Variants in NAALADL2 observed in about 807,000 individuals in gnomAD.
The protein encoded by NAALADL2 is N-acetylated alpha-linked acidic dipeptidase like 2.
A neutral mutation model predicts 87.2 loss-of-function variants in NAALADL2; 76 were observed. The ratio of observed to expected loss-of-function variants is 0.87; its 90% CI spans 0.72 to 1.05. NAALADL2 has a LOEUF of 1.05. NAALADL2 is among the 50% of genes least tolerant of loss of function. NAALADL2 has a pLI of 0.00. For missense variants in NAALADL2, 1,089 were observed against 945.8 expected (o/e 1.15, Z -1.99); for synonymous variants, 354 against 331.0 (o/e 1.07, Z -0.75).
intron 11 of NAALADL2, among the ~76,000 whole-genome samples, chr3:175,639,740 G>T (rs73881325): frequency 2.6e-5 from 4 of 152,098 alleles, no homozygotes; most frequent in African/African-American, 9.7e-5. Context: ...TATGTTTAAA[G>T]TCCTCTCAGT....
intron 1 of NAALADL2, among the ~76,000 whole-genome samples, chr3:175,078,152 G>A (rs1716994265): frequency 1.3e-5 from 2 of 151,922 alleles, no homozygotes; most frequent in Non-Finnish European, 2.9e-5. Flanking sequence ...AGCCTCCTGA[G>A]TAGGTGGAAT....
At chr3:175,090,700 T>C (rs980259290) in intron 1 of NAALADL2, among the ~76,000 whole-genome samples, 6 of 152,292 alleles carry the variant, frequency 3.9e-5, no homozygotes, top group Non-Finnish European at 8.8e-5. Context: ...AGTTTTAGTT[T>C]ATGCTATCCA....
At chr3:175,720,642 C>T (rs1742107663) in intron 11 of NAALADL2, among the ~76,000 whole-genome samples, 1 of 151,654 alleles carries the variant, frequency 6.6e-6, no homozygotes, top group African/African-American at 2.4e-5. Context: ...TAAAAATAAA[C>T]CCACATCTAA....
At chr3:175,427,519 T>C (rs1399589643) in intron 5 of NAALADL2, among the ~76,000 whole-genome samples, 1 of 152,220 alleles carries the variant, frequency 6.6e-6, no homozygotes, top group Non-Finnish European at 1.5e-5. Context: ...GTTAAAAATT[T>C]AGCTAAGAAT....
intron 2 of NAALADL2, among the ~76,000 whole-genome samples, chr3:174,579,449 A>G (rs529697050): frequency 5.3e-5 from 8 of 152,156 alleles, no homozygotes; most frequent in African/African-American, 1.7e-4. Context: ...AAAAGAAGCT[A>G]GACTCCCAAG....
At chr3:174,609,942 C>T (rs371302337) in intron 2 of NAALADL2, among the ~76,000 whole-genome samples, 1 of 152,122 alleles carries the variant, frequency 6.6e-6, no homozygotes. Context: ...ACCAAAACAG[C>T]ATGGTACTGG....
rs531686773 is a variant in NAALADL2 at position 175,367,865 on chromosome 3, T to G, written c.1090+43540T>G. Among the ~76,000 whole-genome samples, 6 of 152,318 alleles carry G rather than the reference T, an allele frequency of 3.9e-5. No homozygotes were observed. The East Asian group carries it at 9.6e-4, about 24-fold the overall frequency. Reference sequence around the variant, plus strand: ...CCTTTATTTCCTTCTCCTGCCTGATTGCCCTGGCCAGAACTTCCAACACTA... The same window carrying G: ...CCTTTATTTCCTTCTCCTGCCTGATGGCCCTGGCCAGAACTTCCAACACTA... On this transcript the variant is annotated intron_variant, in intron 5 of 13. Transcript: ENST00000454872.
At chr3:174,883,530 A>C (rs1439303249) in intron 1 of NAALADL2, among the ~76,000 whole-genome samples, 4 of 152,198 alleles carry the variant, frequency 2.6e-5, no homozygotes, top group African/African-American at 9.6e-5. Flanking sequence ...AAGTCAATAA[A>C]TCTTATGTCA....
chr3:174,496,934 C>A (rs955301373), intron 1 of NAALADL2, among the ~76,000 whole-genome samples: 1 of 152,100 alleles, frequency 6.6e-6, no homozygotes, highest in Non-Finnish European at 1.5e-5. Context: ...AATAACACAG[C>A]CAGCATCCTG....
At chr3:174,893,255 A>G (rs1034793896) in intron 1 of NAALADL2, among the ~76,000 whole-genome samples, 5 of 152,106 alleles carry the variant, frequency 3.3e-5, no homozygotes, top group African/African-American at 1.2e-4. Flanking sequence ...CAAAAGCAGA[A>G]GGATTTCATC....
intron 3 of NAALADL2, among the ~76,000 whole-genome samples, chr3:174,838,166 C>T (rs1239832205): frequency 6.6e-6 from 1 of 151,790 alleles, no homozygotes; most frequent in African/African-American, 2.4e-5. Flanking sequence ...GGTTTCATAC[C>T]AGGGATGCAG....
intron 3 of NAALADL2, among the ~76,000 whole-genome samples, chr3:174,752,574 AT>A (rs1162965556): frequency 1.1e-4 from 17 of 151,998 alleles, no homozygotes; most frequent in Middle Eastern, 6.8e-3. Context: ...TTTAAAAAAA[AT>A]AGGCCAGTGA....
At chr3:175,574,081 C>CATTATTAT (rs1272317625) in intron 9 of NAALADL2, among the ~76,000 whole-genome samples, 1 of 152,088 alleles carries the variant, frequency 6.6e-6, no homozygotes, top group Non-Finnish European at 1.5e-5. Context: ...GTTATTAAAA[C>CATTATTAT]ATTATTATAT....
intron 2 of NAALADL2, among the ~76,000 whole-genome samples, chr3:174,658,683 C>A (rs1452546272): frequency 5.3e-5 from 8 of 151,860 alleles, no homozygotes; most frequent in Non-Finnish European, 1.0e-4. Flanking sequence ...TAATATTTGG[C>A]CAGATTAATA....
intron 3 of NAALADL2, among the ~76,000 whole-genome samples, chr3:174,790,625 G>A (rs966990637): frequency 7.0e-6 from 1 of 142,620 alleles, no homozygotes; most frequent in Non-Finnish European, 1.5e-5. Context: ...TCCAGCCTAG[G>A]TGACAAAAGC....
chr3:175,717,105 T>C (rs568518866), intron 11 of NAALADL2, among the ~76,000 whole-genome samples: 1 of 152,280 alleles, frequency 6.6e-6, no homozygotes, highest in East Asian at 1.9e-4. Context: ...ACATAGCCTT[T>C]GAATTGCATG....
chr3:175,025,167 G>T (rs1223717742), intron 1 of NAALADL2, among the ~76,000 whole-genome samples: 1 of 152,074 alleles, frequency 6.6e-6, no homozygotes, highest in African/African-American at 2.4e-5. Flanking sequence ...GAACATTAGT[G>T]GAGAATAACA....
At chr3:174,898,610 G>A (rs1010013000) in intron 1 of NAALADL2, among the ~76,000 whole-genome samples, 2 of 151,638 alleles carry the variant, frequency 1.3e-5, no homozygotes, top group Non-Finnish European at 2.9e-5. Context: ...TACATATCAG[G>A]TACTGCATAA....
intron 6 of NAALADL2, chr3:175,460,137 C>G (rs145609817): frequency 2.2e-6 from 1 of 456,310 alleles, no homozygotes; most frequent in African/African-American, 2.0e-5. Context: ...TATTGCCTTA[C>G]CAACGGATTG....
Sources: gnomAD v4.1 joint callset for allele counts (sites outside exome capture counted in the v4.1 genomes callset) on GRCh38, gnomAD v4.1.1 for gene constraint, MANE v1.5 for transcripts, NCBI Gene and HGNC (gene_info 2026-07-23, HGNC 2026-07-21) for gene names.